The following APBB2 variants were observed in gnomAD, a reference collection of about 807,000 sequenced individuals.
The protein encoded by APBB2 is Fe65-like 1.
APBB2 carries 38 observed loss-of-function variants against 82.5 expected under a neutral mutation model. The observed-to-expected ratio is 0.46, with a 90% confidence interval of 0.36 to 0.60. APBB2 has a LOEUF of 0.60. APBB2 is among the 20% of genes least tolerant of loss of function. The probability of loss-of-function intolerance (pLI) is 0.00; values close to 1 mark genes in which losing one functional copy is unlikely to be tolerated. For synonymous variants in APBB2, 341 were observed against 368.2 expected, an observed-to-expected ratio of 0.93 and a Z score of 0.85; for missense variants, 772 against 972.3, an observed-to-expected ratio of 0.79 and a Z score of 2.74.
At chr4:41,155,374 C>A (rs1430562898) in intron 1 of APBB2, among the ~76,000 whole-genome samples, 2 of 152,140 alleles carry the variant, frequency 1.3e-5, no homozygotes, top group East Asian at 3.8e-4. Flanking sequence ...CCACAGATAA[C>A]TGTAGTTCAG....
At chr4:40,836,820 G>C (rs1473553005) in intron 12 of APBB2, among the ~76,000 whole-genome samples, 2 of 152,182 alleles carry the variant, frequency 1.3e-5, no homozygotes, top group Admixed American at 6.5e-5. Context: ...TAAAAGAACA[G>C]AGTTCATCCA....
At chr4:41,168,485 C>T (rs573147644) in intron 1 of APBB2, among the ~76,000 whole-genome samples, 3 of 151,914 alleles carry the variant, frequency 2.0e-5, no homozygotes, top group Non-Finnish European at 4.4e-5. Flanking sequence ...ATTACAGGCA[C>T]CTGCCACCAT....
intron 5 of APBB2, among the ~76,000 whole-genome samples, chr4:41,030,434 C>T (rs1256132986): frequency 6.6e-6 from 1 of 152,014 alleles, no homozygotes; most frequent in Non-Finnish European, 1.5e-5. Flanking sequence ...ACTATGTTGC[C>T]CAGGCTGGAG....
In APBB2 at chr4:40,875,813, A is replaced by T. The variant is rs1037542332; in HGVS notation, c.1529+14551T>A. Among the ~76,000 whole-genome samples, 7 of 152,306 alleles carry T rather than the reference A, an allele frequency of 4.6e-5. No individual in the cohort carries two copies. The East Asian group carries it at 1.3e-3, about 29-fold the overall frequency. On this transcript the variant is annotated intron_variant, in intron 12 of 17. Coordinates refer to ENST00000508593, the MANE Select transcript of APBB2 (RefSeq NM_004307.2). ...TGCAACTTTCTGCTAAGAAAAAAAAAAATAACCCCAAAGGTGAGGATTTCA... is the reference window on the plus strand; with the variant it reads ...TGCAACTTTCTGCTAAGAAAAAAAATAATAACCCCAAAGGTGAGGATTTCA...
rs150567211 is a variant in APBB2 at position 41,151,558 on chromosome 4, T to A, written c.-416-8416A>T. Among the ~76,000 whole-genome samples, 7 of 152,362 alleles carry A rather than the reference T, an allele frequency of 4.6e-5. No homozygotes were observed. In the East Asian group the frequency reaches 1.3e-3, roughly 29 times the overall value. On this transcript the variant is annotated intron_variant, in intron 1 of 17. Coordinates refer to ENST00000508593, the MANE Select transcript of APBB2 (RefSeq NM_004307.2). ...CCTTTAAGAAGTTTCTTAGAAAAGATCTTCTGTGGTAAAATCAGGTTTAGG... is the reference window on the plus strand; with the variant it reads ...CCTTTAAGAAGTTTCTTAGAAAAGAACTTCTGTGGTAAAATCAGGTTTAGG...
intron 1 of APBB2, among the ~76,000 whole-genome samples, chr4:41,211,173 T>C (rs1371014794): frequency 6.6e-6 from 1 of 152,014 alleles, no homozygotes; most frequent in African/African-American, 2.4e-5. Flanking sequence ...GAGAATTACT[T>C]GAACCTGGGA....
At chr4:40,931,600 G>A (rs948974419) in intron 10 of APBB2, among the ~76,000 whole-genome samples, 2 of 152,134 alleles carry the variant, frequency 1.3e-5, no homozygotes, top group Non-Finnish European at 2.9e-5. Flanking sequence ...TTCCATTCAT[G>A]CTAAAAATCC....
At chr4:41,063,223 G>A (rs1730471025) in intron 4 of APBB2, among the ~76,000 whole-genome samples, 1 of 152,126 alleles carries the variant, frequency 6.6e-6, no homozygotes, top group Non-Finnish European at 1.5e-5. Context: ...TTTCTTAACA[G>A]GCTCACAGAT....
chr4:41,011,462 C>T (rs562944481), intron 6 of APBB2, among the ~76,000 whole-genome samples: 42 of 152,030 alleles, frequency 2.8e-4, no homozygotes, highest in Non-Finnish European at 4.7e-4. Flanking sequence ...GATGGAGTCT[C>T]GCCTGTCACC....
At chr4:41,180,354 C>T (rs138413179) in intron 1 of APBB2, among the ~76,000 whole-genome samples, 1 of 152,146 alleles carries the variant, frequency 6.6e-6, no homozygotes, top group Non-Finnish European at 1.5e-5. Flanking sequence ...TCAGTAATCC[C>T]AGCCCCATGG....
chr4:41,148,308 A>G (rs1761344496), intron 1 of APBB2, among the ~76,000 whole-genome samples: 1 of 152,230 alleles, frequency 6.6e-6, no homozygotes, highest in South Asian at 2.1e-4. Context: ...TGAAGAAATT[A>G]ACAGATTTAG....
intron 6 of APBB2, among the ~76,000 whole-genome samples, chr4:40,989,429 T>C (rs1801394527): frequency 6.6e-6 from 1 of 152,216 alleles, no homozygotes; most frequent in Admixed American, 6.5e-5. Flanking sequence ...ATGGGCTTTA[T>C]GTCACCACTT....
chr4:41,029,154 C>T (rs1382008475), intron 5 of APBB2, among the ~76,000 whole-genome samples: 1 of 152,180 alleles, frequency 6.6e-6, no homozygotes, highest in Non-Finnish European at 1.5e-5. Flanking sequence ...TATACAATTT[C>T]ATTTCCACTG....
chr4:40,856,778 C>A (rs1392914241), intron 12 of APBB2, among the ~76,000 whole-genome samples: 5 of 152,248 alleles, frequency 3.3e-5, no homozygotes, highest in Non-Finnish European at 7.3e-5. Context: ...ACGCCTCCCC[C>A]CCATTTCATA....
intron 6 of APBB2, chr4:40,990,214 G>A (rs1801622768): frequency 6.6e-6 from 1 of 152,222 alleles, no homozygotes; most frequent in Non-Finnish European, 1.5e-5. Flanking sequence ...GCTAAGCAGG[G>A]TCAGGTCTAG....
At chr4:41,137,966 A>C (rs560997922) in intron 2 of APBB2, 1 of 152,320 alleles carries the variant, frequency 6.6e-6, no homozygotes, top group African/African-American at 2.4e-5. Context: ...CAGGAGATCA[A>C]GACCATCCTA....
intron 1 of APBB2, among the ~76,000 whole-genome samples, chr4:41,207,418 T>C (rs907476562): frequency 3.9e-5 from 6 of 152,256 alleles, no homozygotes; most frequent in African/African-American, 1.4e-4. Context: ...CTAGGTTCTA[T>C]GGCTTTCACC....
chr4:40,848,425 C>T (rs1758302728), intron 12 of APBB2, among the ~76,000 whole-genome samples: 1 of 152,160 alleles, frequency 6.6e-6, no homozygotes, highest in Non-Finnish European at 1.5e-5. Context: ...AAACAGAACA[C>T]AGGCCTGCTG....
intron 1 of APBB2, among the ~76,000 whole-genome samples, chr4:41,194,369 T>G: frequency 6.6e-6 from 1 of 152,102 alleles, no homozygotes; most frequent in Non-Finnish European, 1.5e-5. Flanking sequence ...TATACAGATA[T>G]CAGTATAGAT....
Sources: gnomAD v4.1 joint callset for allele counts (sites outside exome capture counted in the v4.1 genomes callset) on GRCh38, gnomAD v4.1.1 for gene constraint, MANE v1.5 for transcripts, NCBI Gene and HGNC (gene_info 2026-07-23, HGNC 2026-07-21) for gene names.